Variants in CNOT4 observed in about 807,000 individuals in gnomAD.
CNOT4 encodes CCR4-NOT transcription complex subunit 4.
A neutral mutation model predicts 73.8 loss-of-function variants in CNOT4; 8 were observed. That is an observed-to-expected ratio of 0.11 (90% confidence interval 0.06 to 0.20). The LOEUF (loss-of-function observed/expected upper bound fraction) is 0.20, where lower values mean the gene tolerates loss of function less well. Among genes scored for constraint, CNOT4 ranks in the 10% least tolerant of loss-of-function variants. CNOT4 has a pLI of 1.00. For synonymous variants in CNOT4, 293 were observed against 321.1 expected (o/e 0.91, Z 0.94); for missense variants, 564 against 883.4 (o/e 0.64, Z 4.58).
intron 2 of CNOT4, among the ~76,000 whole-genome samples, chr7:135,428,888 A>G (rs1407127551): frequency 6.6e-6 from 1 of 152,194 alleles, no homozygotes; most frequent in Non-Finnish European, 1.5e-5. Context: ...AGGGAGATTT[A>G]CTTTTTGGAA....
Position 135,498,956 on chromosome 7 carries a change from C to T in CNOT4, c.-93+10933G>A, listed in dbSNP as rs112321311. Among the ~76,000 whole-genome samples the T allele has an allele frequency of 2.6e-5, 4 of 152,284 alleles. 1 individual carries two copies. The highest frequency in any genetic ancestry group is 9.6e-5 in the African/African-American group (4 of 41,556). On this transcript the variant is annotated intron_variant, in intron 1 of 11. Coordinates refer to ENST00000541284, the MANE Select transcript of CNOT4 (RefSeq NM_001190850.2). ...CATATAGGTACTCTTCAACCTATCA[C>T]CAACTTTACGGCTAAAGGATCTTTT...
chr7:135,421,099 G>T (rs1304601101), intron 3 of CNOT4, among the ~76,000 whole-genome samples: 1 of 152,048 alleles, frequency 6.6e-6, no homozygotes, highest in African/African-American at 2.4e-5. Context: ...CTTTCGCGGG[G>T]TCAAAATCAT....
chr7:135,388,385 T>G (rs927094317), intron 10 of CNOT4: 2 of 984,666 alleles, frequency 2.0e-6, no homozygotes, highest in South Asian at 9.4e-5. Flanking sequence ...GACATTATCT[T>G]GTTAATTTGC....
intron 1 of CNOT4, chr7:135,444,910 T>C (rs1204074760): frequency 3.7e-6 from 6 of 1,600,952 alleles, no homozygotes; most frequent in Admixed American, 1.7e-5. Context: ...TGCAAAGCTG[T>C]TGCCATGCTG....
At chr7:135,418,899 C>A (rs564922618) in intron 3 of CNOT4, among the ~76,000 whole-genome samples, 9 of 152,222 alleles carry the variant, frequency 5.9e-5, no homozygotes, top group African/African-American at 1.7e-4. Flanking sequence ...TTTATAAATA[C>A]TCAGCACACA....
chr7:135,378,710 G>A (rs1013253319), intron 10 of CNOT4, among the ~76,000 whole-genome samples: 1 of 151,888 alleles, frequency 6.6e-6, no homozygotes, highest in Non-Finnish European at 1.5e-5. Context: ...AATTAGCCGG[G>A]CACGGTGGCT....
chr7:135,498,066 G>A (rs1025297929), intron 1 of CNOT4, among the ~76,000 whole-genome samples: 54 of 152,050 alleles, frequency 3.6e-4, no homozygotes, highest in African/African-American at 1.3e-3. Context: ...TACAAATGAG[G>A]AAGCTGAGTC....
chr7:135,400,674 A>T (rs1796959854), intron 7 of CNOT4, among the ~76,000 whole-genome samples: 3 of 152,270 alleles, frequency 2.0e-5, no homozygotes, highest in South Asian at 4.1e-4. Flanking sequence ...CCACCATCCA[A>T]CTGCAATTTC....
intron 1 of CNOT4, among the ~76,000 whole-genome samples, chr7:135,486,466 T>C (rs1301984121): frequency 6.6e-6 from 1 of 152,198 alleles, no homozygotes; most frequent in African/African-American, 2.4e-5. Flanking sequence ...GAATGCAAAA[T>C]TGTACTCACA....
intron 2 of CNOT4, among the ~76,000 whole-genome samples, chr7:135,428,452 T>TA (rs1563044386): frequency 6.6e-6 from 1 of 152,176 alleles, no homozygotes; most frequent in Non-Finnish European, 1.5e-5. Context: ...CTTATCTGTT[T>TA]AAAAAATATA....
At chr7:135,412,752 G>C (rs1585605030) in intron 6 of CNOT4, among the ~76,000 whole-genome samples, 1 of 151,942 alleles carries the variant, frequency 6.6e-6, no homozygotes, top group Non-Finnish European at 1.5e-5. Context: ...TAAATGAGAA[G>C]TATTCCTGAA....
intron 1 of CNOT4, among the ~76,000 whole-genome samples, chr7:135,478,778 A>C (rs1802162058): frequency 6.6e-6 from 1 of 152,184 alleles, no homozygotes; most frequent in African/African-American, 2.4e-5. Context: ...ATCCCATCCA[A>C]TATAAATAGC....
chr7:135,466,437 G>T (rs1801225222), intron 1 of CNOT4, among the ~76,000 whole-genome samples: 1 of 145,338 alleles, frequency 6.9e-6, no homozygotes. Flanking sequence ...TCACACCACT[G>T]CACTCCATCC....
chr7:135,446,600 A>G (rs1259240520), intron 1 of CNOT4, among the ~76,000 whole-genome samples: 2 of 152,098 alleles, frequency 1.3e-5, no homozygotes, highest in African/African-American at 4.8e-5. Context: ...AGCTAGTGCA[A>G]GTCCACTGAA....
At chr7:135,494,778 T>C (rs530955862) in intron 1 of CNOT4, among the ~76,000 whole-genome samples, 2 of 152,100 alleles carry the variant, frequency 1.3e-5, no homozygotes, top group Admixed American at 6.6e-5. Context: ...TGTAAATAAA[T>C]AGAGTAAGTA....
intron 2 of CNOT4, among the ~76,000 whole-genome samples, chr7:135,434,817 A>C (rs1198999655): frequency 1.3e-5 from 2 of 152,164 alleles, no homozygotes; most frequent in East Asian, 3.9e-4. Flanking sequence ...TCAAATGTCT[A>C]TTCCTGGTGC....
intron 7 of CNOT4, among the ~76,000 whole-genome samples, chr7:135,402,990 T>C (rs918915778): frequency 3.3e-5 from 5 of 152,018 alleles, no homozygotes; most frequent in African/African-American, 4.8e-5. Flanking sequence ...AGGATGGGGG[T>C]GGACTAAAAA....
chr7:135,499,297 G>T (rs552349374), intron 1 of CNOT4, among the ~76,000 whole-genome samples: 82 of 152,072 alleles, frequency 5.4e-4, no homozygotes, highest in African/African-American at 1.9e-3. Context: ...AACTAGAAAA[G>T]AAAAGGTATG....
In CNOT4 at chr7:135,395,650, C is replaced by T. The variant is rs375543099; in HGVS notation, c.1113G>A (p.Gln371=). 1.8e-5 allele frequency: 29 copies of T among 1,613,830 alleles called. No individual in the cohort carries two copies. Among genetic ancestry groups the T allele is most frequent in the Non-Finnish European group, 2.4e-5 (28 of 1,179,896 alleles). ...GTTATATACCTGATGTGAAGAGGCTCTGTGGTTCTGGTGCTGTAGGCCAGT... is the reference window on the plus strand; with the variant it reads ...GTTATATACCTGATGTGAAGAGGCTTTGTGGTTCTGGTGCTGTAGGCCAGT... The part of the protein sequence containing the change: ...SSDWPTAPEP[Q]SLFTSETIPV... The change falls in exon 9 of 12, where the codon CAG becomes CAA. Residue 371 remains glutamine (Q), a synonymous_variant. Transcript: ENST00000541284.
Sources: allele counts gnomAD v4.1 joint callset (sites outside exome capture counted in the v4.1 genomes callset), GRCh38; gene constraint gnomAD v4.1.1; transcripts MANE v1.5; gene names NCBI Gene and HGNC (gene_info 2026-07-23, HGNC 2026-07-21).